The following FREM1 variants were observed in gnomAD, a reference collection of about 807,000 sequenced individuals.
FREM1 encodes the protein FRAS1-related extracellular matrix protein 1.
Under a neutral mutation model 210.1 loss-of-function variants are expected in FREM1, and 220 were observed. The ratio of observed to expected loss-of-function variants is 1.05; its 90% CI spans 0.94 to 1.17. The LOEUF (loss-of-function observed/expected upper bound fraction) is 1.17. Among genes scored for constraint, FREM1 ranks in the 50% most tolerant of loss-of-function variants. FREM1 has a pLI of 0.00. For synonymous variants in FREM1, 1,189 were observed against 980.2 expected (o/e 1.21, Z -3.98); for missense variants, 3,454 against 2,675.5 (o/e 1.29, Z -6.42).
intron 18 of FREM1, 94 bp from the exon 19 acceptor site, chr9:14,805,246 G>T: frequency 1.5e-6 from 1 of 652,044 alleles, no homozygotes; most frequent in Non-Finnish European, 2.5e-6. Flanking sequence ...CAATTTCTCA[G>T]TAATACAAAT....
At chr9:14,852,793 G>C (rs1828016496) in intron 5 of FREM1, among the ~76,000 whole-genome samples, 1 of 152,220 alleles carries the variant, frequency 6.6e-6, no homozygotes, top group Non-Finnish European at 1.5e-5. Flanking sequence ...ATTCACATTA[G>C]TCCCATACTG....
chr9:14,824,995 G>A lies in FREM1; in HGVS notation c.1882-3C>T. On this transcript the variant is annotated splice_region_variant and splice_polypyrimidine_tract_variant and intron_variant, in intron 10 of 36. Coordinates refer to ENST00000380880, the MANE Select transcript of FREM1 (RefSeq NM_001379081.2). ...GGAGTTATATGGATTGTTGCCACCT[G>A]GAATAAAAATGTCTGTACCATTAAT... 3.2e-6 allele frequency: 5 copies of A among 1,562,172 alleles called. No homozygotes were observed. Among genetic ancestry groups the A allele is most frequent in the African/African-American group, 1.4e-5 (1 of 71,626 alleles).
At chr9:14,764,558 G>A (rs962042640) in intron 27 of FREM1, among the ~76,000 whole-genome samples, 9 of 152,254 alleles carry the variant, frequency 5.9e-5, no homozygotes, top group African/African-American at 2.2e-4. Flanking sequence ...TATTTTCTAA[G>A]GCATGCGTGT....
rs138096989 is a variant in FREM1, at chr9:14,773,170, T to C, written c.4858-2364A>G. Reference sequence around the variant, plus strand: ...TTTACAGAAAATGCACAGAAAGCAATGGCATCACATTTTTCTCGCTCACCT... The same window carrying C: ...TTTACAGAAAATGCACAGAAAGCAACGGCATCACATTTTTCTCGCTCACCT... On this transcript the variant is annotated intron_variant, in intron 25 of 36. Transcript: ENST00000380880. Among the ~76,000 whole-genome samples, 987 of 152,260 alleles carry C rather than the reference T, an allele frequency of 6.5e-3. 15 individuals carry two copies. The highest frequency in any genetic ancestry group is 0.022 in the African/African-American group (918 of 41,540).
At chr9:14,739,106 A>G (rs989962153) in intron 36 of FREM1, among the ~76,000 whole-genome samples, 2 of 150,036 alleles carry the variant, frequency 1.3e-5, no homozygotes, top group Non-Finnish European at 3.0e-5. Context: ...ACCTATATTT[A>G]TTATTATTAT....
chr9:14,762,426 G>A (rs72605695), intron 27 of FREM1, among the ~76,000 whole-genome samples: 16,062 of 152,160 alleles, frequency 0.11, 1,173 homozygotes, highest in East Asian at 0.32. Context: ...ACCTCAAGGC[G>A]AAAAGCTAAA....
intron 22 of FREM1, among the ~76,000 whole-genome samples, chr9:14,792,270 A>ATG (rs1331144777): frequency 1.4e-4 from 14 of 102,810 alleles, no homozygotes; most frequent in African/African-American, 3.6e-4. Context: ...CCACACACAC[A>ATG]CGCACACACA....
intron 5 of FREM1, among the ~76,000 whole-genome samples, chr9:14,852,176 A>T (rs1827871599): frequency 6.6e-6 from 1 of 152,156 alleles, no homozygotes; most frequent in Non-Finnish European, 1.5e-5. Flanking sequence ...TGTCTTTATG[A>T]TTTGGTTCTC....
At chr9:14,804,315 G>C (rs1354690131) in intron 19 of FREM1, among the ~76,000 whole-genome samples, 2 of 152,352 alleles carry the variant, frequency 1.3e-5, no homozygotes, top group African/African-American at 4.8e-5. Flanking sequence ...GCTGGGTGCG[G>C]TGGCTCATGC....
At chr9:14,761,307 C>A (rs2132290347) in intron 27 of FREM1, among the ~76,000 whole-genome samples, 1 of 152,170 alleles carries the variant, frequency 6.6e-6, no homozygotes, top group Non-Finnish European at 1.5e-5. Flanking sequence ...GGCTAGGGGG[C>A]AAGGGTAGGG....
chr9:14,829,264 T>A (rs566702814), intron 10 of FREM1, among the ~76,000 whole-genome samples: 2 of 152,320 alleles, frequency 1.3e-5, no homozygotes, highest in South Asian at 4.1e-4. Context: ...TATTATAACA[T>A]TTCTTTTATA....
intron 16 of FREM1, among the ~76,000 whole-genome samples, chr9:14,812,497 C>T (rs1049806437): frequency 1.3e-5 from 2 of 152,104 alleles, no homozygotes; most frequent in Non-Finnish European, 2.9e-5. Flanking sequence ...TTTATAGACC[C>T]ACCAACTACG....
At chr9:14,820,887 G>A (rs1009142453) in intron 13 of FREM1, among the ~76,000 whole-genome samples, 2 of 152,148 alleles carry the variant, frequency 1.3e-5, no homozygotes, top group African/African-American at 4.8e-5. Context: ...GTCCATGCTT[G>A]CCAACCTCAT....
chr9:14,851,399 G>C lies in FREM1; in HGVS notation c.1037C>G (p.Thr346Ser). ...TGGTCTGGTGTGATCCAACAGGTGA[G>C]TCACATAGCCCTGGAGCGGGGCTTT... is the stretch of plus-strand genomic sequence containing the variant. ...ITKAPLQGYV[T>S]HLLDHTRPIS... The change falls in exon 6 of 37, where the codon ACT becomes AGT. Residue 346 changes from threonine to serine, a missense_variant. Physicochemically the swap from Thr to Ser is moderately conservative, Grantham distance 58. Coordinates refer to ENST00000380880, the MANE Select transcript of FREM1 (RefSeq NM_001379081.2). 1.2e-6 allele frequency: 2 copies of C among 1,613,762 alleles called. No homozygotes were observed. The highest frequency in any genetic ancestry group is 1.7e-5 in the Admixed American group (1 of 60,016).
At chr9:14,802,779 G>C (rs1817530619) in intron 19 of FREM1, among the ~76,000 whole-genome samples, 1 of 152,128 alleles carries the variant, frequency 6.6e-6, no homozygotes, top group Admixed American at 6.5e-5. Context: ...ATGCTACATA[G>C]TATTCTCAAC....
chr9:14,826,694 T>C (rs116683175), intron 10 of FREM1, among the ~76,000 whole-genome samples: 1,540 of 152,304 alleles, frequency 0.01, 23 homozygotes, highest in African/African-American at 0.035. Context: ...TTAGTAGTGA[T>C]TGGACCATGA....
rs1564127198 is a variant in FREM1 at position 14,868,924 on chromosome 9, C to T, written c.54G>A (p.Leu18=). Residue 18 remains leucine, a synonymous_variant, in exon 2 of 37, where the codon CTG becomes CTA. Coordinates refer to ENST00000380880, the MANE Select transcript of FREM1 (RefSeq NM_001379081.2). ...AANAVLLLLL[L]AWASPTFISI... is the part of the protein sequence containing the mutation. ...TGATGAAGGTGGGGCTGGCCCAGGC[C>T]AGGAGGAGCAGCAGCAGCACGGCAT... 1 of 1,603,096 alleles carries T rather than the reference C, an allele frequency of 6.2e-7. No individual in the cohort carries two copies. Among genetic ancestry groups the T allele is most frequent in the South Asian group, 1.1e-5 (1 of 89,076 alleles).
At chr9:14,816,156 G>T (rs1293782058) in intron 15 of FREM1, among the ~76,000 whole-genome samples, 3 of 152,246 alleles carry the variant, frequency 2.0e-5, no homozygotes, top group South Asian at 2.1e-4. Context: ...ATAGTTCAAA[G>T]ATATTAGAAA....
At chr9:14,870,437 T>C (rs904974723) in intron 1 of FREM1, among the ~76,000 whole-genome samples, 1 of 152,206 alleles carries the variant, frequency 6.6e-6, no homozygotes, top group Non-Finnish European at 1.5e-5. Flanking sequence ...GGTTGGCTTA[T>C]TTGGGCAAGA....
Sources: allele counts gnomAD v4.1 joint callset (sites outside exome capture counted in the v4.1 genomes callset), GRCh38; gene constraint gnomAD v4.1.1; transcripts MANE v1.5; gene names NCBI Gene and HGNC (gene_info 2026-07-23, HGNC 2026-07-21).